GDPD4: variants seen among roughly 807,000 people sequenced by gnomAD.
GDPD4 encodes the protein glycerophosphodiester phosphodiesterase domain containing 4, also known as glycerophosphodiester phosphodiesterase 6.
Under a neutral mutation model 67.8 loss-of-function variants are expected in GDPD4, and 60 were observed. That is an observed-to-expected ratio of 0.88 (90% CI 0.72 to 1.10). GDPD4 has a LOEUF of 1.10. Ranked by LOEUF, GDPD4 falls within the 50% of genes least tolerant of loss-of-function variation. The probability of loss-of-function intolerance (pLI) is 0.00; values close to 1 mark genes in which losing one functional copy is unlikely to be tolerated. For missense variants in GDPD4, 623 were observed against 613.9 expected, an observed-to-expected ratio of 1.01 and a Z score of -0.16; for synonymous variants, 212 against 210.9, an observed-to-expected ratio of 1.00 and a Z score of -0.04.
In GDPD4 at chr11:77,246,339, GC is replaced by G. The variant is rs566623510; in HGVS notation, c.865-838del. 7.3e-4 allele frequency among the ~76,000 whole-genome samples: 111 copies of G among 152,278 alleles called. 1 individual carries two copies. Among genetic ancestry groups the G allele is most frequent in the African/African-American group, 2.6e-3 (106 of 41,544 alleles). On this transcript the variant is annotated intron_variant, in intron 11 of 16. Transcript: ENST00000315938. ...ATCAATAAATAAAGAGACTTCAATG[GC>G]TTTGAAGCCCAATGGCCCATTTTTA... is the stretch of plus-strand genomic sequence containing the variant.
At chr11:77,275,161 AATC>A (rs1292818051) in intron 5 of GDPD4, among the ~76,000 whole-genome samples, 1 of 152,238 alleles carries the variant, frequency 6.6e-6, no homozygotes. Context: ...CATATATCAA[AATC>A]ATCACATGGA....
At chr11:77,217,671 CTT>C (rs776089696) in intron 16 of GDPD4, among the ~76,000 whole-genome samples, 2 of 152,168 alleles carry the variant, frequency 1.3e-5, no homozygotes, top group African/African-American at 4.8e-5. Context: ...AGGGCAGAGA[CTT>C]TGTCTTGTTT....
chr11:77,255,748 T>A (rs933399877), intron 11 of GDPD4, among the ~76,000 whole-genome samples: 2 of 151,760 alleles, frequency 1.3e-5, no homozygotes, highest in Admixed American at 1.3e-4. Context: ...ATAATCCCAA[T>A]TACTCGAGAG....
At chr11:77,256,592 C>T (rs1959007795) in intron 11 of GDPD4, among the ~76,000 whole-genome samples, 1 of 152,200 alleles carries the variant, frequency 6.6e-6, no homozygotes, top group Non-Finnish European at 1.5e-5. Context: ...TGAAATGTGA[C>T]CTCCAATGTT....
At chr11:77,269,825 A>G (rs1959198028) in intron 8 of GDPD4, 58 bp downstream of exon 8, 1 of 916,430 alleles carries the variant, frequency 1.1e-6, no homozygotes, top group Non-Finnish European at 1.7e-6. Context: ...CCATTTGTAC[A>G]TTTTCAAGTT....
At chr11:77,271,256 T>C in intron 6 of GDPD4, 33 bp from the exon 7 acceptor site, 1 of 1,607,560 alleles carries the variant, frequency 6.2e-7, no homozygotes, top group East Asian at 2.2e-5. Flanking sequence ...GCTGGATACA[T>C]CTAGACAGCT....
At chr11:77,287,484 A>T (rs1311164789) in intron 1 of GDPD4, 64 bp from the exon 2 acceptor site, 1 of 152,198 alleles carries the variant, frequency 6.6e-6, no homozygotes, top group Non-Finnish European at 1.5e-5. Flanking sequence ...TTATCCCACC[A>T]TTCTACAGAA....
chr11:77,255,192 C>T (rs1292564090), intron 11 of GDPD4, among the ~76,000 whole-genome samples: 1 of 152,088 alleles, frequency 6.6e-6, no homozygotes, highest in Non-Finnish European at 1.5e-5. Flanking sequence ...CCAAAAGTCA[C>T]TGCAATAACA....
At chr11:77,297,523 G>A (rs924127020) in intron 1 of GDPD4, among the ~76,000 whole-genome samples, 2 of 147,410 alleles carry the variant, frequency 1.4e-5, no homozygotes, top group African/African-American at 2.5e-5. Context: ...ACGACAGAGC[G>A]AGACTCCGTC....
chr11:77,262,966 G>C (rs1028943364), intron 10 of GDPD4, among the ~76,000 whole-genome samples: 2 of 150,036 alleles, frequency 1.3e-5, no homozygotes, highest in African/African-American at 4.9e-5. Flanking sequence ...CAGAAAACTA[G>C]GAAATAACAA....
intron 11 of GDPD4, 97 bp from the exon 12 acceptor site, chr11:77,245,599 T>C (rs1482356639): frequency 1.4e-5 from 11 of 761,562 alleles, no homozygotes; most frequent in Non-Finnish European, 8.7e-6. Flanking sequence ...TCCATTATCA[T>C]TCAATCCATC....
chr11:77,222,941 ACTTCT>A (rs973231357), intron 16 of GDPD4, among the ~76,000 whole-genome samples: 2 of 150,360 alleles, frequency 1.3e-5, no homozygotes, highest in African/African-American at 4.9e-5. Flanking sequence ...TTTTTACTCT[ACTTCT>A]CTTCTCACTT....
At chr11:77,284,895 C>T (rs1424123501) in intron 3 of GDPD4, among the ~76,000 whole-genome samples, 190 bp downstream of exon 3, 1 of 152,156 alleles carries the variant, frequency 6.6e-6, no homozygotes, top group Admixed American at 6.5e-5. Context: ...GAAGAAAGTA[C>T]AATAGGTTAG....
chr11:77,226,618 G>A (rs923261129), intron 16 of GDPD4, among the ~76,000 whole-genome samples: 4 of 152,130 alleles, frequency 2.6e-5, no homozygotes, highest in African/African-American at 7.2e-5. Flanking sequence ...CCCAGTCTAT[G>A]GTATTTTGTT....
chr11:77,261,376 T>C (rs1411169198), intron 10 of GDPD4, among the ~76,000 whole-genome samples: 1 of 152,134 alleles, frequency 6.6e-6, no homozygotes, highest in African/African-American at 2.4e-5. Context: ...TAGCTGGGAT[T>C]ACAGGTGCCC....
chr11:77,252,270 G>A (rs1389351029), intron 11 of GDPD4, among the ~76,000 whole-genome samples: 1 of 151,846 alleles, frequency 6.6e-6, no homozygotes, highest in African/African-American at 2.4e-5. Context: ...CAGTATATTG[G>A]TCAGGCTGGT....
chr11:77,221,750 G>C (rs1418256900), intron 16 of GDPD4, among the ~76,000 whole-genome samples: 2 of 150,240 alleles, frequency 1.3e-5, no homozygotes, highest in African/African-American at 4.9e-5. Flanking sequence ...TATTAGGTCC[G>C]CTGGGTGCAG....
At chr11:77,273,329 A>C (rs1416117744) in intron 5 of GDPD4, among the ~76,000 whole-genome samples, 3 of 152,172 alleles carry the variant, frequency 2.0e-5, no homozygotes, top group African/African-American at 7.2e-5. Context: ...GTCTCTCCTC[A>C]CAAGTCTGAT....
At chr11:77,285,681 G>C (rs12360681) in intron 2 of GDPD4, among the ~76,000 whole-genome samples, 7,047 of 152,240 alleles carry the variant, frequency 0.046, 230 homozygotes, top group Middle Eastern at 0.082. Context: ...TAAAATGCTA[G>C]GGAATTTCAC....
Sources: allele counts gnomAD v4.1 joint callset (sites outside exome capture counted in the v4.1 genomes callset), GRCh38; gene constraint gnomAD v4.1.1; transcripts MANE v1.5; gene names NCBI Gene and HGNC (gene_info 2026-07-23, HGNC 2026-07-21).